The following ANO3 variants were observed in gnomAD, a reference collection of about 807,000 sequenced individuals.
ANO3 encodes the protein anoctamin 3, also known as anoctamin-3.
In ANO3, 99 loss-of-function variants were observed where a neutral mutation model predicts 144.8. That is an observed-to-expected ratio of 0.68 (90% CI 0.58 to 0.81). ANO3 has a LOEUF of 0.81. Ranked by LOEUF, ANO3 falls within the 30% of genes least tolerant of loss-of-function variation. The pLI is 0.00. For synonymous variants in ANO3, 414 were observed against 392.6 expected, an observed-to-expected ratio of 1.05 and a Z score of -0.64; for missense variants, 905 against 1,202.2, an observed-to-expected ratio of 0.75 and a Z score of 3.66.
intron 1 of ANO3, among the ~76,000 whole-genome samples, chr11:26,323,702 A>T (rs1319791922): frequency 1.3e-5 from 2 of 152,202 alleles, no homozygotes; most frequent in Non-Finnish European, 2.9e-5. Context: ...TTATGGAGTA[A>T]GGACCTAAAA....
chr11:26,620,673 T>C (rs566407464), intron 17 of ANO3, among the ~76,000 whole-genome samples: 1 of 152,270 alleles, frequency 6.6e-6, no homozygotes, highest in East Asian at 1.9e-4. Context: ...GTTCTGGACT[T>C]TTCTCCCTTG....
chr11:26,596,861 C>T (rs1317378110), intron 14 of ANO3, among the ~76,000 whole-genome samples: 6 of 152,154 alleles, frequency 3.9e-5, no homozygotes, highest in Admixed American at 3.9e-4. Context: ...GAGTTCAGGA[C>T]GACAGCTTTC....
At chr11:26,518,173 T>C (rs1861931258) in intron 6 of ANO3, among the ~76,000 whole-genome samples, 1 of 152,090 alleles carries the variant, frequency 6.6e-6, no homozygotes, top group Admixed American at 6.6e-5. Context: ...TAAGTTTGCA[T>C]TTGTGCTAAA....
intron 1 of ANO3, among the ~76,000 whole-genome samples, chr11:26,213,219 G>A (rs989940066): frequency 1.2e-4 from 18 of 152,138 alleles, no homozygotes; most frequent in African/African-American, 4.1e-4. Context: ...TTGAAAACAG[G>A]CACAAGACAA....
chr11:26,454,144 C>G (rs1272652954), intron 3 of ANO3, among the ~76,000 whole-genome samples: 6 of 151,976 alleles, frequency 3.9e-5, no homozygotes, highest in Non-Finnish European at 8.8e-5. Context: ...AAAATTGACA[C>G]CCTAACATCA....
chr11:26,496,013 CA>C (rs1414043032), intron 4 of ANO3, among the ~76,000 whole-genome samples: 1 of 152,162 alleles, frequency 6.6e-6, no homozygotes. Context: ...TCTGACATTT[CA>C]AGTTAAGTTT....
intron 7 of ANO3, among the ~76,000 whole-genome samples, chr11:26,528,346 A>T (rs2134172952): frequency 6.6e-6 from 1 of 152,332 alleles, no homozygotes; most frequent in Non-Finnish European, 1.5e-5. Context: ...ATTTAGGCCA[A>T]CCATATTTCA....
chr11:26,463,292 A>C, intron 4 of ANO3, 144 bp downstream of exon 4: 1 of 453,940 alleles, frequency 2.2e-6, no homozygotes, highest in South Asian at 5.1e-5. Context: ...TCAGAAGCAA[A>C]AAGTTGTATA....
At chr11:26,415,619 C>T (rs960274966) in intron 1 of ANO3, among the ~76,000 whole-genome samples, 2 of 151,882 alleles carry the variant, frequency 1.3e-5, no homozygotes, top group African/African-American at 4.8e-5. Flanking sequence ...TTTATTGTTC[C>T]ATTTTCCTTT....
chr11:26,601,094 G>T (rs1299637313), intron 17 of ANO3, among the ~76,000 whole-genome samples: 1 of 152,078 alleles, frequency 6.6e-6, no homozygotes, highest in East Asian at 1.9e-4. Context: ...CCTTCATTAT[G>T]TAAATAATGA....
At chr11:26,293,221 T>C (rs1369174813) in intron 1 of ANO3, among the ~76,000 whole-genome samples, 1 of 152,156 alleles carries the variant, frequency 6.6e-6, no homozygotes, top group Non-Finnish European at 1.5e-5. Flanking sequence ...TTCTGCCTCA[T>C]ATCCTAAAAT....
At chr11:26,392,220 G>A (rs189258038) in intron 1 of ANO3, among the ~76,000 whole-genome samples, 149 of 144,602 alleles carry the variant, frequency 1.0e-3, no homozygotes, top group Non-Finnish European at 1.7e-3. Flanking sequence ...TGTCTGTGTC[G>A]TACATGGTGA....
chr11:26,342,831 TA>T (rs994351553), intron 1 of ANO3, among the ~76,000 whole-genome samples: 1 of 152,214 alleles, frequency 6.6e-6, no homozygotes, highest in South Asian at 2.1e-4. Flanking sequence ...TTATTTTTTT[TA>T]TTTTTTTGTT....
chr11:26,210,387 C>A (rs547361165), intron 1 of ANO3, among the ~76,000 whole-genome samples: 2 of 152,220 alleles, frequency 1.3e-5, no homozygotes, highest in South Asian at 2.1e-4. Context: ...GTTACTGTAG[C>A]CTTGTAGTAT....
chr11:26,637,222 A>G (rs1852989723), intron 20 of ANO3, among the ~76,000 whole-genome samples: 1 of 152,178 alleles, frequency 6.6e-6, no homozygotes, highest in African/African-American at 2.4e-5. Context: ...TTTCAACAAA[A>G]TTATAAATGG....
At chr11:26,209,240 C>T (rs1434114752) in intron 1 of ANO3, among the ~76,000 whole-genome samples, 1 of 152,148 alleles carries the variant, frequency 6.6e-6, no homozygotes, top group African/African-American at 2.4e-5. Context: ...TGAGAACATG[C>T]AGAGTTTGGT....
At chr11:26,429,251 C>T (rs1210977445) in intron 1 of ANO3, among the ~76,000 whole-genome samples, 2 of 152,142 alleles carry the variant, frequency 1.3e-5, no homozygotes, top group Non-Finnish European at 2.9e-5. Flanking sequence ...GAGAGTGCTG[C>T]AGGAACCTGT....
At chr11:26,321,949 G>A (rs1208669744) in intron 1 of ANO3, among the ~76,000 whole-genome samples, 1 of 151,820 alleles carries the variant, frequency 6.6e-6, no homozygotes, top group African/African-American at 2.4e-5. Context: ...GCTTTTCACA[G>A]CATTTTCATT....
chr11:26,648,282 G>C (rs1853414069), intron 24 of ANO3, among the ~76,000 whole-genome samples: 1 of 152,102 alleles, frequency 6.6e-6, no homozygotes, highest in African/African-American at 2.4e-5. Context: ...TGAAGGAACT[G>C]TCAGCTCTGT....
Sources: allele counts gnomAD v4.1 joint callset (sites outside exome capture counted in the v4.1 genomes callset), GRCh38; gene constraint gnomAD v4.1.1; transcripts MANE v1.5; gene names NCBI Gene and HGNC (gene_info 2026-07-23, HGNC 2026-07-21).